THSD4: variants seen among roughly 807,000 people sequenced by gnomAD.
The protein encoded by THSD4 is thrombospondin type-1 domain-containing protein 4.
In THSD4, 69 loss-of-function variants were observed where a neutral mutation model predicts 119.0. The ratio of observed to expected loss-of-function variants is 0.58; its 90% CI spans 0.48 to 0.71. The LOEUF is 0.71. Ranked by LOEUF, THSD4 falls within the 30% of genes least tolerant of loss-of-function variation. The pLI is 0.00. For missense variants in THSD4, 1,393 were observed against 1,391.1 expected, an observed-to-expected ratio of 1.00 and a Z score of -0.02; for synonymous variants, 524 against 540.4, an observed-to-expected ratio of 0.97 and a Z score of 0.42.
At chr15:71,111,426 C>T (rs1405180342), upstream of THSD4, 1 of 1,600,282 alleles carries the variant, frequency 6.2e-7, no homozygotes, top group Non-Finnish European at 8.5e-7. Flanking sequence ...TTCCAGAGTT[C>T]CTGGAGGAGG....
chr15:71,543,418 G>C lies in THSD4; in HGVS notation c.1153-117112G>C, dbSNP rs554566389. On this transcript the variant is annotated intron_variant, in intron 7 of 17. Coordinates refer to ENST00000261862, the MANE Select transcript of THSD4 (RefSeq NM_024817.3). The stretch of plus-strand genomic sequence containing the variant: ...GATGATGGAGGGCTGGATGGGAGCA[G>C]GGCAGCAGGAATGTGGGGCCATAGA... 1.2e-4 allele frequency among the ~76,000 whole-genome samples: 19 copies of C among 152,270 alleles called. No individual in the cohort carries two copies. The East Asian group carries it at 3.7e-3, about 30-fold the overall frequency.
At chr15:71,266,213 G>C (rs527310917) in intron 6 of THSD4, among the ~76,000 whole-genome samples, 1 of 152,142 alleles carries the variant, frequency 6.6e-6, no homozygotes. Context: ...GGAGAGCGCC[G>C]GCTGGCATCT....
At chr15:71,688,705 C>CTGTGTGTGTGTGTG (rs1445931183) in intron 8 of THSD4, among the ~76,000 whole-genome samples, 1 of 86,086 alleles carries the variant, frequency 1.2e-5, no homozygotes, top group Admixed American at 1.7e-4. Context: ...TGTTTTGTAT[C>CTGTGTGTGTGTGTG]TCTGTGTGTG....
rs1057344134 is a variant in THSD4 at position 71,779,511 on chromosome 15, A to G, written c.*2137A>G. ...GAGAAAGGCTGTTTTAGCTCAAGTTAAAGGAACACCTTCTAGCCATCAAAG... is the reference window on the plus strand; with the variant it reads ...GAGAAAGGCTGTTTTAGCTCAAGTTGAAGGAACACCTTCTAGCCATCAAAG... On this transcript the variant is annotated 3_prime_UTR_variant, in exon 18 of 18. Transcript: ENST00000261862. 1 of 152,270 alleles carries G rather than the reference A, an allele frequency of 6.6e-6. No individual in the cohort carries two copies. Among genetic ancestry groups the G allele is most frequent in the Admixed American group, 6.5e-5 (1 of 15,278 alleles). The allele number at this position is 152,270 out of a possible 1,614,324, so 9.4% of individuals were successfully genotyped here.
chr15:71,148,704 A>G (rs974233370), intron 2 of THSD4, among the ~76,000 whole-genome samples: 4 of 152,178 alleles, frequency 2.6e-5, no homozygotes, highest in African/African-American at 9.7e-5. Context: ...CAGAGTGAGG[A>G]AGAAAGTGGA....
At chr15:71,576,721 G>A (rs866699030) in intron 7 of THSD4, among the ~76,000 whole-genome samples, 1 of 152,128 alleles carries the variant, frequency 6.6e-6, no homozygotes, top group Admixed American at 6.5e-5. Flanking sequence ...CACAGTAGAC[G>A]TTAAGGAAAT....
intron 2 of THSD4, among the ~76,000 whole-genome samples, chr15:71,147,427 C>G (rs368388402): frequency 1.3e-5 from 2 of 152,158 alleles, no homozygotes; most frequent in East Asian, 3.9e-4. Flanking sequence ...CCAGGCTGAT[C>G]TTAAACCCCT....
intron 6 of THSD4, among the ~76,000 whole-genome samples, chr15:71,275,016 A>C (rs1434661735): frequency 1.3e-5 from 2 of 152,180 alleles, no homozygotes; most frequent in Admixed American, 1.3e-4. Context: ...CCAAGAACTC[A>C]GCTTTCTACA....
intron 6 of THSD4, among the ~76,000 whole-genome samples, chr15:71,270,932 G>A (rs1320659842): frequency 6.6e-6 from 1 of 151,882 alleles, no homozygotes; most frequent in Admixed American, 6.6e-5. Context: ...GAATGAGGAT[G>A]TTCTGTAGAT....
chr15:71,779,387 C>G lies in THSD4; in HGVS notation c.*2013C>G, dbSNP rs954819276. 6.6e-6 allele frequency: 1 copy of G among 152,244 alleles called. No homozygotes were observed. Among genetic ancestry groups the G allele is most frequent in the Non-Finnish European group, 1.5e-5 (1 of 68,102 alleles). The allele number at this position is 152,244 out of a possible 1,614,324, so 9.4% of individuals were successfully genotyped here. On this transcript the variant is annotated 3_prime_UTR_variant, in exon 18 of 18. Transcript: ENST00000261862. ...GCTGCTTGTCACGAGGAGAGTTGTT[C>G]CTGTATGTGGCTGCTCTCAGATCTT...
At position 71,253,078 on chromosome 15, in the gene THSD4, G is replaced by A. The variant is rs2140284680; in HGVS notation, c.913-3535G>A. Reference sequence around the variant, plus strand: ...TACACAGGGCCATGCCCATCCACCAGGACACCTTGTTACCTTGTTACCTCC... The same window carrying A: ...TACACAGGGCCATGCCCATCCACCAAGACACCTTGTTACCTTGTTACCTCC... On this transcript the variant is annotated intron_variant, in intron 5 of 17. Transcript: ENST00000261862. Among the ~76,000 whole-genome samples, 7 of 152,280 alleles carry A rather than the reference G, an allele frequency of 4.6e-5. No individual in the cohort carries two copies. The South Asian group carries it at 1.4e-3, about 32-fold the overall frequency.
chr15:71,328,527 G>C (rs28710202), intron 6 of THSD4, among the ~76,000 whole-genome samples: 2 of 152,150 alleles, frequency 1.3e-5, no homozygotes, highest in Admixed American at 1.3e-4. Flanking sequence ...TTCCAGGTGC[G>C]ATTCCAGGCT....
intron 2 of THSD4, among the ~76,000 whole-genome samples, chr15:71,151,160 C>T (rs549115835): frequency 2.0e-5 from 3 of 152,102 alleles, no homozygotes; most frequent in Admixed American, 6.5e-5. Context: ...AGTGAGGGAA[C>T]GAGTAGAATT....
At chr15:71,362,305 G>A (rs1459532399) in intron 6 of THSD4, among the ~76,000 whole-genome samples, 2 of 152,120 alleles carry the variant, frequency 1.3e-5, no homozygotes, top group African/African-American at 2.4e-5. Context: ...AGTGGCTGGG[G>A]TACAGAAGTA....
chr15:71,167,772 A>C (rs188235933), intron 3 of THSD4, among the ~76,000 whole-genome samples: 3 of 152,358 alleles, frequency 2.0e-5, no homozygotes, highest in Admixed American at 2.0e-4. Context: ...TTTAGTATGT[A>C]TATGAAAACT....
At chr15:71,774,211 T>C (rs2053873132) in intron 17 of THSD4, among the ~76,000 whole-genome samples, 1 of 150,798 alleles carries the variant, frequency 6.6e-6, no homozygotes, top group Non-Finnish European at 1.5e-5. Flanking sequence ...CTTGGAAGGC[T>C]GAGGTGGGAG....
chr15:71,534,038 A>G (rs534938229), intron 7 of THSD4, among the ~76,000 whole-genome samples: 1 of 152,284 alleles, frequency 6.6e-6, no homozygotes, highest in South Asian at 2.1e-4. Flanking sequence ...CCCTGGCTGG[A>G]GTACATCAGC....
chr15:71,549,347 T>C (rs764206705), intron 7 of THSD4, among the ~76,000 whole-genome samples: 1 of 152,024 alleles, frequency 6.6e-6, no homozygotes, highest in African/African-American at 2.4e-5. Flanking sequence ...TTTCCCCTAG[T>C]GTGTGCATGT....
At chr15:71,338,717 C>T (rs532154414) in intron 6 of THSD4, among the ~76,000 whole-genome samples, 2 of 152,248 alleles carry the variant, frequency 1.3e-5, no homozygotes, top group African/African-American at 4.8e-5. Flanking sequence ...GGAAAAGACA[C>T]CCTTAACTGG....
Sources: allele counts gnomAD v4.1 joint callset (sites outside exome capture counted in the v4.1 genomes callset), GRCh38; gene constraint gnomAD v4.1.1; transcripts MANE v1.5; gene names NCBI Gene and HGNC (gene_info 2026-07-23, HGNC 2026-07-21).